Variants in MMP26 observed in about 807,000 individuals in gnomAD.
The protein encoded by MMP26 is matrix metallopeptidase 26.
MMP26 carries 33 observed loss-of-function variants against 31.0 expected under a neutral mutation model. That is an observed-to-expected ratio of 1.06 (90% CI 0.81 to 1.42). The LOEUF (loss-of-function observed/expected upper bound fraction) is 1.42. MMP26 is among the 40% of genes most tolerant of loss of function. The pLI is 0.00. For missense variants in MMP26, 347 were observed against 316.1 expected (o/e 1.10, Z -0.74); for synonymous variants, 122 against 114.9 (o/e 1.06, Z -0.40).
intron 2 of MMP26, among the ~76,000 whole-genome samples, chr11:4,977,199 A>T (rs1846750068): frequency 6.6e-6 from 1 of 152,150 alleles, no homozygotes. Context: ...TGAAATAAAC[A>T]TTGAGCTAAA....
At chr11:4,859,401 T>G (rs1432983514) in intron 2 of MMP26, among the ~76,000 whole-genome samples, 1 of 152,224 alleles carries the variant, frequency 6.6e-6, no homozygotes, top group African/African-American at 2.4e-5. Flanking sequence ...TAAATTAGAT[T>G]TTGTGATACC....
intron 2 of MMP26, among the ~76,000 whole-genome samples, chr11:4,773,559 T>C (rs900619509): frequency 2.1e-4 from 32 of 151,588 alleles, no homozygotes; most frequent in South Asian, 2.1e-4. Context: ...TTCAGACTCC[T>C]GACTTACAGG....
intron 2 of MMP26, chr11:4,973,895 G>C (rs1160361904): frequency 6.6e-6 from 1 of 152,058 alleles, no homozygotes; most frequent in Admixed American, 6.6e-5. Context: ...CCCAGTATTT[G>C]AGGGAAAAGA....
At chr11:4,822,498 G>GAC in intron 2 of MMP26, 2 of 880,368 alleles carry the variant, frequency 2.3e-6, no homozygotes, top group Non-Finnish European at 3.1e-6. Context: ...TAGGTTATGT[G>GAC]ACATTTATTT....
intron 2 of MMP26, among the ~76,000 whole-genome samples, chr11:4,883,277 T>A (rs1850505410): frequency 6.6e-6 from 1 of 151,842 alleles, no homozygotes; most frequent in South Asian, 2.1e-4. Flanking sequence ...AGTGAGGCAA[T>A]GAAGGTTGTT....
At chr11:4,746,997 T>C (rs933070728) in intron 1 of MMP26, among the ~76,000 whole-genome samples, 1 of 152,114 alleles carries the variant, frequency 6.6e-6, no homozygotes, top group African/African-American at 2.4e-5. Context: ...AAATGAATGT[T>C]TGAAGTAGGG....
intron 2 of MMP26, among the ~76,000 whole-genome samples, chr11:4,774,505 T>C (rs1848766371): frequency 6.6e-6 from 1 of 152,190 alleles, no homozygotes; most frequent in Admixed American, 6.5e-5. Context: ...TTGTTTGAGT[T>C]CCTTGTAGAT....
intron 2 of MMP26, among the ~76,000 whole-genome samples, chr11:4,984,334 T>A (rs1846856311): frequency 6.6e-6 from 1 of 152,204 alleles, no homozygotes; most frequent in South Asian, 2.1e-4. Context: ...AGATGAATAC[T>A]ATAAAACACC....
At chr11:4,870,987 C>T (rs967244951) in intron 2 of MMP26, among the ~76,000 whole-genome samples, 2 of 151,954 alleles carry the variant, frequency 1.3e-5, no homozygotes, top group Non-Finnish European at 2.9e-5. Flanking sequence ...ACATTTAGTG[C>T]TCTAGGAAGA....
intron 2 of MMP26, chr11:4,794,793 C>T (rs906631725): frequency 6.6e-6 from 1 of 152,114 alleles, no homozygotes; most frequent in Non-Finnish European, 1.5e-5. Context: ...TCCTGTTCTT[C>T]CATAGTTTGC....
chr11:4,986,195 A>T (rs1442533963), intron 2 of MMP26, among the ~76,000 whole-genome samples: 1 of 151,944 alleles, frequency 6.6e-6, no homozygotes, highest in East Asian at 1.9e-4. Context: ...CACCTCTTTG[A>T]GTCTCATTTT....
At chr11:4,849,182 G>T (rs781506849) in intron 2 of MMP26, 4 of 1,612,030 alleles carry the variant, frequency 2.5e-6, no homozygotes, top group African/African-American at 2.7e-5. Flanking sequence ...TGCTATTGGG[G>T]GCTATCTGAG....
rs962025518 is a variant in MMP26 at position 4,724,026 on chromosome 11, G to T, written c.-217+18981G>T. The stretch of plus-strand genomic sequence containing the variant: ...TGGACCCACCATAACCTCCACCCAG[G>T]CTACCCCGGAAGCTGCTGGTACCAC... On this transcript the variant is annotated intron_variant, in intron 1 of 7. Coordinates refer to ENST00000380390, the MANE Select transcript of MMP26 (RefSeq NM_021801.5). 4.4e-6 allele frequency: 3 copies of T among 682,562 alleles called. No homozygotes were observed. In the African/African-American group the frequency reaches 5.3e-5, roughly 12 times the overall value. 42.3% of individuals were successfully genotyped at this position (682,562 alleles called of 1,614,324 possible).
At chr11:4,836,961 T>A (rs1849728171) in intron 2 of MMP26, among the ~76,000 whole-genome samples, 1 of 152,012 alleles carries the variant, frequency 6.6e-6, no homozygotes, top group South Asian at 2.1e-4. Flanking sequence ...AAAGACCTCT[T>A]TTTTAGAGCA....
intron 2 of MMP26, among the ~76,000 whole-genome samples, chr11:4,885,520 C>T (rs1017679839): frequency 6.6e-6 from 1 of 152,042 alleles, no homozygotes; most frequent in African/African-American, 2.4e-5. Context: ...TAAAATGCTG[C>T]ACAGTTTTGT....
chr11:4,812,306 T>C (rs1266187734), intron 2 of MMP26, among the ~76,000 whole-genome samples: 4 of 152,110 alleles, frequency 2.6e-5, no homozygotes, highest in African/African-American at 7.2e-5. Context: ...TACATAGACA[T>C]ATATAATGCA....
At chr11:4,790,151 C>T (rs916566718) in intron 2 of MMP26, among the ~76,000 whole-genome samples, 6 of 151,998 alleles carry the variant, frequency 3.9e-5, no homozygotes, top group Admixed American at 3.9e-4. Context: ...ACCATCCTGG[C>T]TAACATAGTG....
chr11:4,914,544 A>ACC (rs11318208), intron 2 of MMP26: 53 of 541,200 alleles, frequency 9.8e-5, no homozygotes, highest in African/African-American at 1.9e-4. Flanking sequence ...ATTACATTTT[A>ACC]CCCCCCCCTG....
At chr11:4,892,831 C>T (rs1185105117) in intron 2 of MMP26, among the ~76,000 whole-genome samples, 1 of 152,248 alleles carries the variant, frequency 6.6e-6, no homozygotes, top group East Asian at 1.9e-4. Context: ...TCTAGTTACT[C>T]AACTGTTCAG....
Sources: gnomAD v4.1 joint callset for allele counts (sites outside exome capture counted in the v4.1 genomes callset) on GRCh38, gnomAD v4.1.1 for gene constraint, MANE v1.5 for transcripts, NCBI Gene and HGNC (gene_info 2026-07-23, HGNC 2026-07-21) for gene names.